ANGPT1: variants seen among roughly 807,000 people sequenced by gnomAD.
The protein encoded by ANGPT1 is angiopoietin-1.
A neutral mutation model predicts 62.2 loss-of-function variants in ANGPT1; 17 were observed. The ratio of observed to expected loss-of-function variants is 0.27; its 90% CI spans 0.19 to 0.41. The LOEUF (loss-of-function observed/expected upper bound fraction) is 0.41, where lower values mean the gene tolerates loss of function less well. Ranked by LOEUF, ANGPT1 falls within the 10% of genes least tolerant of loss-of-function variation. The pLI, the probability that ANGPT1 is intolerant of heterozygous loss-of-function variation, is 1.00. For missense variants in ANGPT1, 478 were observed against 594.9 expected (o/e 0.80, Z 2.04); for synonymous variants, 199 against 198.9 (o/e 1.00, Z 0.00).
At chr8:107,469,368 A>G (rs1374492581) in intron 1 of ANGPT1, among the ~76,000 whole-genome samples, 1 of 152,020 alleles carries the variant, frequency 6.6e-6, no homozygotes, top group East Asian at 1.9e-4. Context: ...TACATCCATT[A>G]GGGTAGAAAT....
chr8:107,434,051 G>A (rs1563621025), intron 1 of ANGPT1, among the ~76,000 whole-genome samples: 1 of 152,154 alleles, frequency 6.6e-6, no homozygotes, highest in Non-Finnish European at 1.5e-5. Flanking sequence ...AGTCAAAACT[G>A]AAAAAGAGGC....
chr8:107,292,388 A>G (rs897882948), intron 6 of ANGPT1, among the ~76,000 whole-genome samples: 5 of 152,070 alleles, frequency 3.3e-5, no homozygotes, highest in African/African-American at 4.8e-5. Context: ...GACCCCCTAA[A>G]CTACTAGTAA....
intron 1 of ANGPT1, among the ~76,000 whole-genome samples, chr8:107,461,126 A>G (rs1307922498): frequency 6.6e-6 from 1 of 152,144 alleles, no homozygotes; most frequent in East Asian, 1.9e-4. Flanking sequence ...ACTGATTATC[A>G]TATTTGTCAC....
intron 4 of ANGPT1, among the ~76,000 whole-genome samples, chr8:107,308,133 T>C (rs1363894182): frequency 6.6e-6 from 1 of 152,116 alleles, no homozygotes; most frequent in Non-Finnish European, 1.5e-5. Flanking sequence ...AGACTTCTCC[T>C]AGGCAATGGA....
chr8:107,460,464 T>C (rs1812039645), intron 1 of ANGPT1, among the ~76,000 whole-genome samples: 1 of 152,184 alleles, frequency 6.6e-6, no homozygotes, highest in African/African-American at 2.4e-5. Context: ...AACCTGTGCA[T>C]TTATAACTCA....
At chr8:107,326,355 G>C (rs1016855394) in intron 3 of ANGPT1, among the ~76,000 whole-genome samples, 1 of 152,076 alleles carries the variant, frequency 6.6e-6, no homozygotes, top group African/African-American at 2.4e-5. Flanking sequence ...TTCACTTGGA[G>C]CGCCCTTAAT....
intron 6 of ANGPT1, among the ~76,000 whole-genome samples, chr8:107,286,664 A>G (rs1814148945): frequency 6.6e-6 from 1 of 152,160 alleles, no homozygotes; most frequent in Non-Finnish European, 1.5e-5. Context: ...TGATAGGCTG[A>G]ATATGCTTGG....
chr8:107,347,837 T>A (rs1457047832), intron 1 of ANGPT1, among the ~76,000 whole-genome samples: 1 of 152,142 alleles, frequency 6.6e-6, no homozygotes, highest in Non-Finnish European at 1.5e-5. Flanking sequence ...TGGGTAATAT[T>A]TAGTCCTTTA....
chr8:107,373,561 C>G (rs550483393), intron 1 of ANGPT1, among the ~76,000 whole-genome samples: 5 of 152,122 alleles, frequency 3.3e-5, no homozygotes, highest in Admixed American at 6.5e-5. Flanking sequence ...AGGGATCATT[C>G]ACAGAGACAT....
chr8:107,482,359 GA>G (rs1207552604), intron 1 of ANGPT1, among the ~76,000 whole-genome samples: 2 of 152,176 alleles, frequency 1.3e-5, no homozygotes, highest in African/African-American at 4.8e-5. Flanking sequence ...GTGGGGACCA[GA>G]AAGCTTTGAA....
chr8:107,317,629 T>C lies in ANGPT1; in HGVS notation c.808+4267A>G, dbSNP rs553529288. Reference sequence around the variant, plus strand: ...TAGATAACCAGTGAATTTATTTTTATTTTTATTTTTTTTTTTTTTGAGACA... The same window carrying C: ...TAGATAACCAGTGAATTTATTTTTACTTTTATTTTTTTTTTTTTTGAGACA... On this transcript the variant is annotated intron_variant, in intron 4 of 8. Transcript: ENST00000517746. 6.4e-5 allele frequency among the ~76,000 whole-genome samples: 3 copies of C among 46,654 alleles called. No individual in the cohort carries two copies. In the Admixed American group the frequency reaches 9.6e-4, roughly 15 times the overall value. The allele number at this position is 46,654 out of a possible 152,430, so 30.6% of individuals were successfully genotyped here.
intron 1 of ANGPT1, among the ~76,000 whole-genome samples, chr8:107,474,887 G>C (rs1214961677): frequency 6.6e-6 from 1 of 152,136 alleles, no homozygotes; most frequent in Non-Finnish European, 1.5e-5. Flanking sequence ...GGGATGTGAA[G>C]GACCTCTTTA....
chr8:107,253,106 A>T (rs1396937308), intron 8 of ANGPT1, among the ~76,000 whole-genome samples: 1 of 152,240 alleles, frequency 6.6e-6, no homozygotes, highest in Non-Finnish European at 1.5e-5. Context: ...GCTTGTGTTT[A>T]TAAAGTCACA....
intron 7 of ANGPT1, among the ~76,000 whole-genome samples, chr8:107,267,177 C>T (rs1037381760): frequency 6.6e-6 from 1 of 152,088 alleles, no homozygotes; most frequent in African/African-American, 2.4e-5. Flanking sequence ...CAACCTCTCT[C>T]CATGTGAAAA....
At chr8:107,295,514 T>G (rs767636039) in intron 5 of ANGPT1, 1 of 152,114 alleles carries the variant, frequency 6.6e-6, no homozygotes. Context: ...GGTCAGGTAC[T>G]CAAACATCTC....
chr8:107,405,368 T>C (rs1376877044), intron 1 of ANGPT1, among the ~76,000 whole-genome samples: 1 of 151,936 alleles, frequency 6.6e-6, no homozygotes, highest in Non-Finnish European at 1.5e-5. Flanking sequence ...ATATTGCAAG[T>C]TGAACATCCC....
At chr8:107,467,550 T>A (rs1406343144) in intron 1 of ANGPT1, among the ~76,000 whole-genome samples, 1 of 152,072 alleles carries the variant, frequency 6.6e-6, no homozygotes, top group Non-Finnish European at 1.5e-5. Flanking sequence ...TCCAGTGGTA[T>A]GATAAAGCTA....
At chr8:107,354,342 G>A (rs1357332375) in intron 1 of ANGPT1, among the ~76,000 whole-genome samples, 1 of 151,998 alleles carries the variant, frequency 6.6e-6, no homozygotes, top group Non-Finnish European at 1.5e-5. Flanking sequence ...ATTCAGCCAG[G>A]AGTCAGGATA....
rs554639051 is a variant in ANGPT1, at chr8:107,478,248, T to C, written c.297+19014A>G. ...TTTGGCCTCAGTCTAAATATACCTATTCAAAAAAAAAAAAAATCTGCCGGG... is the reference window on the plus strand; with the variant it reads ...TTTGGCCTCAGTCTAAATATACCTACTCAAAAAAAAAAAAAATCTGCCGGG... On this transcript the variant is annotated intron_variant, in intron 1 of 8. Transcript: ENST00000517746. Among the ~76,000 whole-genome samples, 10 of 137,024 alleles carry C rather than the reference T, an allele frequency of 7.3e-5. No individual in the cohort carries two copies. The South Asian group carries it at 2.0e-3, about 28-fold the overall frequency. The allele number at this position is 137,024 out of a possible 152,430, so 89.9% of individuals were successfully genotyped here. A position where few individuals can be genotyped will look rare whatever the true frequency, so the allele number is the denominator to read the frequency against.
Sources: allele counts gnomAD v4.1 joint callset (sites outside exome capture counted in the v4.1 genomes callset), GRCh38; gene constraint gnomAD v4.1.1; transcripts MANE v1.5; gene names NCBI Gene and HGNC (gene_info 2026-07-23, HGNC 2026-07-21).